The following VPS13D variants were observed in gnomAD, a reference collection of about 807,000 sequenced individuals.
VPS13D encodes the protein vacuolar protein sorting 13 homolog D.
In VPS13D, 187 loss-of-function variants were observed where a neutral mutation model predicts 461.9. The ratio of observed to expected loss-of-function variants is 0.40; its 90% CI spans 0.36 to 0.46. The LOEUF (loss-of-function observed/expected upper bound fraction) is 0.46, where lower values mean the gene tolerates loss of function less well. Ranked by LOEUF, VPS13D falls within the 20% of genes least tolerant of loss-of-function variation. VPS13D has a pLI of 0.60. For missense variants in VPS13D, 4,711 were observed against 5,364.9 expected, an observed-to-expected ratio of 0.88 and a Z score of 3.81; for synonymous variants, 1,951 against 1,986.3, an observed-to-expected ratio of 0.98 and a Z score of 0.47.
chr1:12,409,531 G>GA (rs1249611668), intron 63 of VPS13D, among the ~76,000 whole-genome samples: 2 of 152,068 alleles, frequency 1.3e-5, no homozygotes, highest in African/African-American at 2.4e-5. Flanking sequence ...AATCACAATA[G>GA]AAAAAATATA....
intron 65 of VPS13D, among the ~76,000 whole-genome samples, chr1:12,422,923 T>C (rs1644881346): frequency 6.6e-6 from 1 of 151,366 alleles, no homozygotes; most frequent in Non-Finnish European, 1.5e-5. Context: ...CTGCAGAGAA[T>C]ATGAAACATT....
intron 68 of VPS13D, chr1:12,500,033 A>C (rs775013436): frequency 3.0e-5 from 30 of 985,240 alleles, no homozygotes; most frequent in Non-Finnish European, 3.6e-5. Context: ...AAATGTTTCC[A>C]CATTTTTTTC....
intron 67 of VPS13D, among the ~76,000 whole-genome samples, chr1:12,477,492 C>T (rs1645648079): frequency 6.6e-6 from 1 of 152,172 alleles, no homozygotes; most frequent in Admixed American, 6.5e-5. Flanking sequence ...CAGTGGCGTC[C>T]TCTGTAGTGA....
chr1:12,271,761 T>A (rs1365748877), intron 17 of VPS13D, among the ~76,000 whole-genome samples: 2 of 152,180 alleles, frequency 1.3e-5, no homozygotes, highest in African/African-American at 2.4e-5. Context: ...CTTTTTTGCT[T>A]ACTGTTACCA....
intron 65 of VPS13D, among the ~76,000 whole-genome samples, chr1:12,441,328 T>TGTGTTTCAGGCACTGTCCGG (rs1491573941): frequency 6.6e-6 from 1 of 152,156 alleles, no homozygotes; most frequent in Non-Finnish European, 1.5e-5. Flanking sequence ...GCACTCGAAC[T>TGTGTTTCAGGCACTGTCCGG]GTGTTTCAGG....
chr1:12,501,228 C>CATATAATAT (rs1646031158), intron 68 of VPS13D, among the ~76,000 whole-genome samples: 2 of 151,992 alleles, frequency 1.3e-5, no homozygotes, highest in Admixed American at 1.3e-4. Flanking sequence ...TTGAGCGCAC[C>CATATAATAT]ATATAATATT....
chr1:12,363,921 C>T (rs1643990563), intron 52 of VPS13D, among the ~76,000 whole-genome samples: 1 of 127,668 alleles, frequency 7.8e-6, no homozygotes, highest in Non-Finnish European at 1.6e-5. Context: ...CCACTGCACT[C>T]CAGTCAGGCG....
At chr1:12,234,689 T>C (rs1640092075) in intron 2 of VPS13D, among the ~76,000 whole-genome samples, 1 of 152,242 alleles carries the variant, frequency 6.6e-6, no homozygotes, top group Admixed American at 6.5e-5. Flanking sequence ...GCATTGACTT[T>C]GGCTTCAAAT....
chr1:12,249,512 G>T, intron 6 of VPS13D, 173 bp downstream of exon 6: 2 of 484,526 alleles, frequency 4.1e-6, no homozygotes, highest in Non-Finnish European at 7.2e-6. Flanking sequence ...GCTGAAATAG[G>T]GAAACAGGTA....
intron 67 of VPS13D, among the ~76,000 whole-genome samples, chr1:12,488,953 T>C (rs982035206): frequency 1.3e-5 from 2 of 152,234 alleles, no homozygotes; most frequent in Admixed American, 1.3e-4. Context: ...TGTTCTTCCA[T>C]GATGTTGAAA....
intron 65 of VPS13D, among the ~76,000 whole-genome samples, chr1:12,430,795 C>T (rs560029118): frequency 2.0e-5 from 3 of 152,314 alleles, no homozygotes; most frequent in South Asian, 2.1e-4. Context: ...TCTATAGTCT[C>T]AGCGGGTCAT....
At chr1:12,369,899 C>A (rs1273183478) in intron 54 of VPS13D, among the ~76,000 whole-genome samples, 197 bp downstream of exon 54, 1 of 152,162 alleles carries the variant, frequency 6.6e-6, no homozygotes, top group African/African-American at 2.4e-5. Context: ...TAAAATTTAT[C>A]CAAAGAGTCA....
chr1:12,432,738 G>A (rs1260684688), intron 65 of VPS13D, among the ~76,000 whole-genome samples: 3 of 152,046 alleles, frequency 2.0e-5, no homozygotes, highest in East Asian at 3.9e-4. Flanking sequence ...TGGGACTACG[G>A]GAGCACACCA....
chr1:12,277,506 C>T lies in VPS13D; in HGVS notation c.3918C>T (p.Ser1306=), dbSNP rs770556010. ...AGTTTTTGAAGGAGTTGACGTTATC[C>T]ATGGATGAACTGGAAGAAAATTTTC... ...SAKFLKELTL[S]MDELEENFRG... Residue 1306 remains serine (S), a synonymous_variant, in exon 19 of 70, where the codon TCC becomes TCT. Coordinates refer to ENST00000620676, the MANE Select transcript of VPS13D (RefSeq NM_015378.4). 6.2e-7 allele frequency: 1 copy of T among 1,614,060 alleles called. No homozygotes were observed. The highest frequency in any genetic ancestry group is 2.2e-5 in the East Asian group (1 of 44,888).
In VPS13D at chr1:12,283,556, T is replaced by C; in HGVS notation, c.5454T>C (p.Asp1818=). The C allele has an allele frequency of 6.2e-7, 1 of 1,614,242 alleles. No homozygotes were observed. Among genetic ancestry groups the C allele is most frequent in the East Asian group, 2.2e-5 (1 of 44,890 alleles). The change falls in exon 21 of 70, where the codon GAT becomes GAC. Residue 1818 remains aspartate, a synonymous_variant. Transcript: ENST00000620676. Reference sequence around the variant, plus strand: ...TTGATGTTGATTTTAATTGCTTGGATGTGCTGATCACACTGCAAACCTGGG... The same window carrying C: ...TTGATGTTGATTTTAATTGCTTGGACGTGCTGATCACACTGCAAACCTGGG... The part of the protein sequence containing the change: ...RSIDVDFNCL[D]VLITLQTWVV...
At chr1:12,420,113 A>T (rs1311870291) in intron 65 of VPS13D, among the ~76,000 whole-genome samples, 3 of 152,232 alleles carry the variant, frequency 2.0e-5, no homozygotes, top group Non-Finnish European at 4.4e-5. Context: ...TTATATCTCT[A>T]AGATGAGAAA....
intron 1 of VPS13D, 102 bp from the exon 2 acceptor site, chr1:12,234,089 A>T (rs1463989670): frequency 3.7e-6 from 2 of 534,322 alleles, no homozygotes; most frequent in Non-Finnish European, 6.8e-6. Flanking sequence ...CCAACAAAAC[A>T]TCTGTGCTTT....
intron 65 of VPS13D, among the ~76,000 whole-genome samples, chr1:12,435,796 G>GCCTTACATGGTT (rs1645053307): frequency 6.6e-6 from 1 of 151,964 alleles, no homozygotes; most frequent in African/African-American, 2.4e-5. Flanking sequence ...AGGGGATACA[G>GCCTTACATGGTT]AGAATTTGAG....
At chr1:12,445,214 A>C (rs573971570) in intron 65 of VPS13D, among the ~76,000 whole-genome samples, 4 of 152,328 alleles carry the variant, frequency 2.6e-5, no homozygotes, top group East Asian at 1.9e-4. Flanking sequence ...TTAAGCAGGA[A>C]AGTTGGTGAA....
Sources: allele counts gnomAD v4.1 joint callset (sites outside exome capture counted in the v4.1 genomes callset), GRCh38; gene constraint gnomAD v4.1.1; transcripts MANE v1.5; gene names NCBI Gene and HGNC (gene_info 2026-07-23, HGNC 2026-07-21).